SPPL2A: variants seen among roughly 807,000 people sequenced by gnomAD.
SPPL2A encodes signal peptide peptidase-like 2A.
SPPL2A carries 51 observed loss-of-function variants against 63.8 expected under a neutral mutation model. The ratio of observed to expected loss-of-function variants is 0.80; its 90% CI spans 0.64 to 1.01. The LOEUF (loss-of-function observed/expected upper bound fraction) is 1.01. Ranked by LOEUF, SPPL2A falls within the 50% of genes least tolerant of loss-of-function variation. SPPL2A has a pLI of 0.00. For missense variants in SPPL2A, 553 were observed against 622.7 expected (o/e 0.89, Z 1.19); for synonymous variants, 188 against 205.8 (o/e 0.91, Z 0.74).
In SPPL2A at chr15:50,726,157, A is replaced by C. The variant is rs1195422088; in HGVS notation, c.1146+164T>G. 2.0e-6 allele frequency: 3 copies of C among 1,503,892 alleles called. No homozygotes were observed. The East Asian group carries it at 7.5e-5, about 37-fold the overall frequency. The allele number at this position is 1,503,892 out of a possible 1,614,324, so 93.2% of individuals were successfully genotyped here. A position where few individuals can be genotyped will look rare whatever the true frequency, so the allele number is the denominator to read the frequency against. ...ATGAAACCCAAGTCAATAGGTATTTAATAATTTAGAATAACTAAGAAAAGA... is the reference window on the plus strand; with the variant it reads ...ATGAAACCCAAGTCAATAGGTATTTCATAATTTAGAATAACTAAGAAAAGA... On this transcript the variant is annotated intron_variant, in intron 11 of 14. Transcript: ENST00000261854.
At chr15:50,731,077 C>A in intron 9 of SPPL2A, 38 bp from the exon 10 acceptor site, 1 of 901,982 alleles carries the variant, frequency 1.1e-6, no homozygotes, top group Non-Finnish European at 1.8e-6. Flanking sequence ...GTCAATCTTC[C>A]TAAATGTAAA....
At chr15:50,721,162 TAGC>T (rs767997374) in intron 13 of SPPL2A, among the ~76,000 whole-genome samples, 8 of 152,038 alleles carry the variant, frequency 5.3e-5, no homozygotes, top group Non-Finnish European at 7.4e-5. Flanking sequence ...GCCTCCCGAG[TAGC>T]TGGGAATACA....
chr15:50,726,108 C>G (rs2062685750), intron 11 of SPPL2A: 1 of 1,509,978 alleles, frequency 6.6e-7, no homozygotes, highest in African/African-American at 1.4e-5. Flanking sequence ...CCAGTGGCTT[C>G]CACCAAGTTT....
At chr15:50,724,018 G>A (rs1225066070) in intron 12 of SPPL2A, among the ~76,000 whole-genome samples, 2 of 152,100 alleles carry the variant, frequency 1.3e-5, no homozygotes, top group African/African-American at 2.4e-5. Context: ...AGAAGATCTT[G>A]TATAGCCCTT....
rs2062652298 is a variant in SPPL2A at position 50,722,047 on chromosome 15, T to C, written c.1327+77A>G. 1.5e-5 allele frequency: 12 copies of C among 824,688 alleles called. No homozygotes were observed. In the South Asian group the frequency reaches 1.7e-4, roughly 12 times the overall value. The allele number at this position is 824,688 out of a possible 1,614,324, so 51.1% of individuals were successfully genotyped here. A position where few individuals can be genotyped will look rare whatever the true frequency, so the allele number is the denominator to read the frequency against. The stretch of plus-strand genomic sequence containing the variant: ...ACCACCATGCCCAAACTGTACTCCT[T>C]CTTTATTTTTAGACCTCTGTCTTTT... On this transcript the variant is annotated intron_variant, in intron 13 of 14. Coordinates refer to ENST00000261854, the MANE Select transcript of SPPL2A (RefSeq NM_032802.4).
At chr15:50,729,922 C>CTTGA (rs540326251) in intron 10 of SPPL2A, among the ~76,000 whole-genome samples, 2 of 151,024 alleles carry the variant, frequency 1.3e-5, no homozygotes, top group Admixed American at 1.3e-4. Flanking sequence ...GACTCCTGGG[C>CTTGA]TTGAGCCCAG....
chr15:50,751,756 C>G (rs1194157716), intron 1 of SPPL2A, among the ~76,000 whole-genome samples: 1 of 152,172 alleles, frequency 6.6e-6, no homozygotes, highest in African/African-American at 2.4e-5. Flanking sequence ...CTAGGGATTA[C>G]AAAATGGTGA....
At chr15:50,736,224 T>A in intron 7 of SPPL2A, 22 bp from the exon 8 acceptor site, 1 of 1,367,180 alleles carries the variant, frequency 7.3e-7, no homozygotes, top group East Asian at 2.3e-5. Context: ...ATTAAAATAG[T>A]TAACACTGCA....
In SPPL2A at chr15:50,741,920, C is replaced by T. The variant is rs148930872; in HGVS notation, c.585-2092G>A. Reference sequence around the variant, plus strand: ...GGCAGAGGTTGCAGTGAGCGAAGACCGCATGCCACCGCACTCCAGCCTGGG... The same window carrying T: ...GGCAGAGGTTGCAGTGAGCGAAGACTGCATGCCACCGCACTCCAGCCTGGG... On this transcript the variant is annotated intron_variant, in intron 5 of 14. Coordinates refer to ENST00000261854, the MANE Select transcript of SPPL2A (RefSeq NM_032802.4). 5.8e-3 allele frequency among the ~76,000 whole-genome samples: 871 copies of T among 151,040 alleles called. 6 individuals are homozygous for T. Among genetic ancestry groups the T allele is most frequent in the African/African-American group, 0.02 (823 of 41,106 alleles).
chr15:50,706,742 A>G lies in SPPL2A; in HGVS notation c.*1058T>C, dbSNP rs2141013988. On this transcript the variant is annotated 3_prime_UTR_variant, in exon 15 of 15. Coordinates refer to ENST00000261854, the MANE Select transcript of SPPL2A (RefSeq NM_032802.4). Reference sequence around the variant, plus strand: ...ATCAAACCTTAACATTAACAGAACCAAATTGCAAAGATCAGAAATACCAAA... The same window carrying G: ...ATCAAACCTTAACATTAACAGAACCGAATTGCAAAGATCAGAAATACCAAA... 6.6e-6 allele frequency: 1 copy of G among 152,302 alleles called. No individual in the cohort carries two copies. Among genetic ancestry groups the G allele is most frequent in the South Asian group, 2.1e-4 (1 of 4,828 alleles). 9.4% of individuals were successfully genotyped at this position (152,302 alleles called of 1,614,324 possible).
chr15:50,732,794 C>T, intron 8 of SPPL2A, 110 bp from the exon 9 acceptor site: 6 of 547,768 alleles, frequency 1.1e-5, no homozygotes, highest in South Asian at 2.6e-5. Flanking sequence ...TTGACTATTC[C>T]TTTTTTTTTT....
At chr15:50,758,847 C>T (rs12593469) in intron 1 of SPPL2A, among the ~76,000 whole-genome samples, 61,158 of 151,832 alleles carry the variant, frequency 0.4, 12,874 homozygotes, top group East Asian at 0.58. Flanking sequence ...GGACCAAATT[C>T]CAGGTGATTT....
intron 14 of SPPL2A, among the ~76,000 whole-genome samples, chr15:50,712,671 C>T (rs901334452): frequency 2.0e-5 from 2 of 99,408 alleles, no homozygotes; most frequent in African/African-American, 9.9e-5. Flanking sequence ...CTCCCTCCCT[C>T]CCCCCCCCTT....
intron 14 of SPPL2A, among the ~76,000 whole-genome samples, chr15:50,713,145 T>G (rs1205480631): frequency 6.6e-6 from 1 of 152,184 alleles, no homozygotes; most frequent in Non-Finnish European, 1.5e-5. Context: ...CTAATTTTGA[T>G]TTTAAATGTT....
In SPPL2A at chr15:50,765,491, G is replaced by T; in HGVS notation, c.43C>A (p.Leu15Ile). Residue 15 changes from leucine to isoleucine, a missense_variant, in exon 1 of 15, where the codon CTC becomes ATC. Physicochemically the swap from Leu to Ile is conservative, Grantham distance 5 (BLOSUM62 2). Transcript: ENST00000261854. ...RRLSPAGAAL[L>I]WGFLLQLTAA... ...ACCAGCTGGAGCAGGAAGCCCCAGA[G>T]TAGGGCGGCCCCGGCAGGGGACAGC... The T allele has an allele frequency of 1.3e-6, 2 of 1,504,238 alleles. No homozygotes were observed. The highest frequency in any genetic ancestry group is 2.5e-5 in the South Asian group (2 of 81,114). The allele number at this position is 1,504,238 out of a possible 1,614,324, so 93.2% of individuals were successfully genotyped here.
At chr15:50,739,378 C>T (rs2062799781) in intron 6 of SPPL2A, among the ~76,000 whole-genome samples, 1 of 151,888 alleles carries the variant, frequency 6.6e-6, no homozygotes, top group South Asian at 2.1e-4. Context: ...GGAGTTTCTC[C>T]ATGTTGGTCA....
chr15:50,713,501 G>A (rs775614795), intron 14 of SPPL2A, among the ~76,000 whole-genome samples: 14 of 151,924 alleles, frequency 9.2e-5, no homozygotes, highest in South Asian at 8.3e-4. Flanking sequence ...CTGACCTCAG[G>A]TGATCCACCC....
chr15:50,751,379 T>C (rs190086967), intron 1 of SPPL2A, among the ~76,000 whole-genome samples: 15 of 152,352 alleles, frequency 9.8e-5, no homozygotes, highest in Admixed American at 9.2e-4. Context: ...GTAACCTACC[T>C]AAGGTCATAT....
intron 1 of SPPL2A, among the ~76,000 whole-genome samples, chr15:50,758,415 C>A (rs560324076): frequency 6.6e-6 from 1 of 151,574 alleles, no homozygotes; most frequent in East Asian, 2.0e-4. Context: ...TCACTGCAAG[C>A]TCTGCCTCCC....
Sources: allele counts gnomAD v4.1 joint callset (sites outside exome capture counted in the v4.1 genomes callset), GRCh38; gene constraint gnomAD v4.1.1; transcripts MANE v1.5; gene names NCBI Gene and HGNC (gene_info 2026-07-23, HGNC 2026-07-21).